MICAL3: variants seen among roughly 807,000 people sequenced by gnomAD.
The protein encoded by MICAL3 is microtubule associated monooxygenase, calponin and LIM domain containing 3.
MICAL3 carries 62 observed loss-of-function variants against 207.4 expected under a neutral mutation model. The ratio of observed to expected loss-of-function variants is 0.30; its 90% CI spans 0.24 to 0.37. The LOEUF (loss-of-function observed/expected upper bound fraction) is 0.37. Ranked by LOEUF, MICAL3 falls within the 10% of genes least tolerant of loss-of-function variation. The pLI, the probability that MICAL3 is intolerant of heterozygous loss-of-function variation, is 1.00. For synonymous variants in MICAL3, 1,077 were observed against 1,069.3 expected, an observed-to-expected ratio of 1.01 and a Z score of -0.14; for missense variants, 2,368 against 2,635.6, an observed-to-expected ratio of 0.90 and a Z score of 2.22.
intron 11 of MICAL3, among the ~76,000 whole-genome samples, chr22:17,892,444 A>C (rs1003764589): frequency 6.6e-6 from 1 of 152,246 alleles, no homozygotes; most frequent in African/African-American, 2.4e-5. Context: ...TGAAGTTTGT[A>C]CTAAGTCATT....
rs528625663 is a variant in MICAL3 at position 17,862,753 on chromosome 22, G to A, written c.2605+2146C>T. ...GCAGAGTGAGCTCACCGGGAGGCAA[G>A]GTGCCCTGATTCTGAGCTGCCGGAC... On this transcript the variant is annotated intron_variant, in intron 19 of 31. Transcript: ENST00000441493. The A allele has an allele frequency of 3.1e-5, 31 of 985,496 alleles. No homozygotes were observed. In the East Asian group the frequency reaches 1.8e-3, roughly 58 times the overall value. 61.0% of individuals were successfully genotyped at this position (985,496 alleles called of 1,614,324 possible).
chr22:17,854,733 C>A (rs572835712), intron 19 of MICAL3, among the ~76,000 whole-genome samples: 1 of 152,240 alleles, frequency 6.6e-6, no homozygotes, highest in South Asian at 2.1e-4. Context: ...GGCACCTGCA[C>A]ATCCCCTACC....
chr22:17,919,043 T>C (rs1485107238), intron 1 of MICAL3, among the ~76,000 whole-genome samples: 1 of 151,664 alleles, frequency 6.6e-6, no homozygotes, highest in Non-Finnish European at 1.5e-5. Context: ...TTACCACAAC[T>C]TGACATACTC....
chr22:17,848,874 G>A (rs1924918476), intron 19 of MICAL3, among the ~76,000 whole-genome samples: 1 of 152,224 alleles, frequency 6.6e-6, no homozygotes, highest in Non-Finnish European at 1.5e-5. Flanking sequence ...AGCCTTAGAG[G>A]CTGCTTGATG....
At chr22:17,978,756 TG>T (rs1257245777) in intron 1 of MICAL3, among the ~76,000 whole-genome samples, 1 of 151,802 alleles carries the variant, frequency 6.6e-6, no homozygotes, top group Non-Finnish European at 1.5e-5. Flanking sequence ...TGACCTCAGG[TG>T]ATCTGCCCGC....
chr22:18,020,826 A>C (rs1033940445), intron 1 of MICAL3, among the ~76,000 whole-genome samples: 1 of 151,700 alleles, frequency 6.6e-6, no homozygotes, highest in African/African-American at 2.4e-5. Flanking sequence ...AGGCACAAGA[A>C]TCACTTGAAC....
rs1324576943 is a variant in MICAL3 at position 17,824,084 on chromosome 22, G to A, written c.3194-1024C>T. 4.1e-5 allele frequency among the ~76,000 whole-genome samples: 6 copies of A among 144,994 alleles called. No individual in the cohort carries two copies. In the South Asian group the frequency reaches 1.3e-3, roughly 30 times the overall value. On this transcript the variant is annotated intron_variant, in intron 22 of 31. Transcript: ENST00000441493. ...TCCCCAGGAGCCGGCCCCTAAGCAC[G>A]CACACACCGTCCCCACCTCCCACAC...
intron 1 of MICAL3, among the ~76,000 whole-genome samples, chr22:17,920,093 C>A (rs766253982): frequency 2.0e-5 from 3 of 152,212 alleles, no homozygotes; most frequent in Admixed American, 6.5e-5. Context: ...GGACACAGGA[C>A]TCAAAGGGTT....
chr22:17,864,833 CCTTGG>C (rs1926904094), intron 19 of MICAL3, 61 bp downstream of exon 19: 1 of 1,613,742 alleles, frequency 6.2e-7, no homozygotes, highest in South Asian at 1.1e-5. Flanking sequence ...TGGCTCATGC[CCTTGG>C]CCTTGTCACA....
chr22:17,981,552 A>G, intron 1 of MICAL3, among the ~76,000 whole-genome samples: 1 of 152,222 alleles, frequency 6.6e-6, no homozygotes. Context: ...ACAAAACAAT[A>G]AACCCAGCCC....
intron 1 of MICAL3, among the ~76,000 whole-genome samples, chr22:17,965,660 A>C (rs929935552): frequency 1.3e-5 from 2 of 152,228 alleles, no homozygotes; most frequent in Admixed American, 1.3e-4. Context: ...CCCAAGTCAC[A>C]CAGTAAGAGC....
intron 20 of MICAL3, among the ~76,000 whole-genome samples, chr22:17,832,374 G>A (rs530282473): frequency 1.3e-5 from 2 of 152,272 alleles, no homozygotes; most frequent in Non-Finnish European, 2.9e-5. Flanking sequence ...GGATGGGGTA[G>A]GGAGGGGACC....
chr22:17,939,183 C>A (rs1416629916), intron 1 of MICAL3, among the ~76,000 whole-genome samples: 1 of 152,214 alleles, frequency 6.6e-6, no homozygotes, highest in Non-Finnish European at 1.5e-5. Flanking sequence ...GCACGGCCTG[C>A]AGAGTCCCCA....
intron 19 of MICAL3, chr22:17,858,370 G>A: frequency 1.6e-6 from 1 of 624,610 alleles, no homozygotes; most frequent in Non-Finnish European, 2.0e-6. Context: ...GCTGGCACTT[G>A]TGAGGCGCTT....
At chr22:17,982,991 A>C (rs5992944) in intron 1 of MICAL3, among the ~76,000 whole-genome samples, 38,093 of 151,826 alleles carry the variant, frequency 0.25, 5,060 homozygotes, top group African/African-American at 0.3. Flanking sequence ...TACCTCAGAA[A>C]CGAAGGACCT....
chr22:17,905,607 T>G (rs1198613338), intron 2 of MICAL3, among the ~76,000 whole-genome samples: 2 of 152,194 alleles, frequency 1.3e-5, no homozygotes, highest in South Asian at 2.1e-4. Context: ...GCAAATCCAC[T>G]GGGGGTGGGG....
chr22:18,011,054 C>T (rs1923687903), intron 1 of MICAL3, among the ~76,000 whole-genome samples: 1 of 152,186 alleles, frequency 6.6e-6, no homozygotes, highest in Non-Finnish European at 1.5e-5. Context: ...CCTCAGCGAT[C>T]ACAGGCCTGC....
chr22:17,937,439 A>T (rs1933590535), intron 1 of MICAL3, among the ~76,000 whole-genome samples: 1 of 152,122 alleles, frequency 6.6e-6, no homozygotes, highest in Admixed American at 6.6e-5. Flanking sequence ...CAAGGTGGGC[A>T]GATCACCTGA....
At chr22:18,010,320 TGA>T (rs937355893) in intron 1 of MICAL3, among the ~76,000 whole-genome samples, 1 of 152,058 alleles carries the variant, frequency 6.6e-6, no homozygotes, top group African/African-American at 2.4e-5. Flanking sequence ...TTTAAGCATC[TGA>T]GTCTTTTTCT....
Sources: gnomAD v4.1 joint callset for allele counts (sites outside exome capture counted in the v4.1 genomes callset) on GRCh38, gnomAD v4.1.1 for gene constraint, MANE v1.5 for transcripts, NCBI Gene and HGNC (gene_info 2026-07-23, HGNC 2026-07-21) for gene names.